The following SREBF1 variants were observed in gnomAD, a reference collection of about 807,000 sequenced individuals.
SREBF1 encodes the protein sterol regulatory element-binding protein 1.
SREBF1 carries 45 observed loss-of-function variants against 100.1 expected under a neutral mutation model. The ratio of observed to expected loss-of-function variants is 0.45; its 90% CI spans 0.35 to 0.58. The LOEUF (loss-of-function observed/expected upper bound fraction) is 0.58. Among genes scored for constraint, SREBF1 ranks in the 20% least tolerant of loss-of-function variants. The probability of loss-of-function intolerance (pLI) is 0.00; values close to 1 mark genes in which losing one functional copy is unlikely to be tolerated. For missense variants in SREBF1, 1,324 were observed against 1,539.4 expected, an observed-to-expected ratio of 0.86 and a Z score of 2.34; for synonymous variants, 657 against 681.8, an observed-to-expected ratio of 0.96 and a Z score of 0.57.
At chr17:17,814,445 C>T (rs1332311882) in intron 15 of SREBF1, 35 bp from the exon 16 acceptor site, 2 of 1,548,774 alleles carry the variant, frequency 1.3e-6, no homozygotes, top group African/African-American at 2.7e-5. Context: ...GCCAGTCAGA[C>T]CAGTCCACAA....
At chr17:17,836,182 T>C (rs746821370) in intron 1 of SREBF1, among the ~76,000 whole-genome samples, 1 of 152,244 alleles carries the variant, frequency 6.6e-6, no homozygotes, top group Non-Finnish European at 1.5e-5. Context: ...ATTCGGTGGA[T>C]GTCAGTGAAT....
intron 18 of SREBF1, 197 bp downstream of exon 18, chr17:17,813,171 C>T (rs1169346519): frequency 3.1e-6 from 2 of 640,300 alleles, no homozygotes; most frequent in Admixed American, 2.4e-5. Flanking sequence ...CCCTGTCACT[C>T]AGGCTCACTG....
chr17:17,814,517 T>G (rs2033328215), intron 15 of SREBF1, 98 bp downstream of exon 15: 1 of 1,535,250 alleles, frequency 6.5e-7, no homozygotes, highest in South Asian at 1.2e-5. Flanking sequence ...AGGTGGTGAC[T>G]CCTCCTGCAC....
Position 17,812,709 on chromosome 17 carries a change from G to C in SREBF1, c.3357C>G (p.Leu1119=), listed in dbSNP as rs368232810. ...VGMLAEAART[L]EKLGDRRLLH... is the part of the protein sequence containing the mutation. ...GCAGCCGGCGATCGCCAAGCTTCTC[G>C]AGTGTGCGCGCCGCCTCAGCCAGCA... Residue 1119 remains leucine, a synonymous_variant, in exon 19 of 19, where the codon CTC becomes CTG. Transcript: ENST00000261646. 49 of 1,598,880 alleles carry C rather than the reference G, an allele frequency of 3.1e-5. 1 individual carries two copies. In the South Asian group the frequency reaches 4.0e-4, roughly 13 times the overall value.
At chr17:17,815,093 G>A in intron 13 of SREBF1, 128 bp downstream of exon 13, 1 of 1,227,134 alleles carries the variant, frequency 8.1e-7, no homozygotes, top group Non-Finnish European at 1.2e-6. Context: ...GAAACTCAGA[G>A]AGGAATGAAG....
intron 1 of SREBF1, among the ~76,000 whole-genome samples, chr17:17,830,670 A>G (rs552359572): frequency 3.3e-5 from 5 of 152,176 alleles, no homozygotes; most frequent in African/African-American, 1.2e-4. Flanking sequence ...GTAGGCCACA[A>G]ATTCCCCCTA....
chr17:17,816,798 G>C (rs1188593686), intron 9 of SREBF1, 80 bp from the exon 10 acceptor site: 33 of 1,572,068 alleles, frequency 2.1e-5, no homozygotes, highest in Non-Finnish European at 2.8e-5. Context: ...TCCACAGCAG[G>C]CTCTGGAGGG....
chr17:17,817,235 G>A lies in SREBF1; in HGVS notation c.1606+21C>T, dbSNP rs1439712648. 1.9e-6 allele frequency: 3 copies of A among 1,607,334 alleles called. No homozygotes were observed. Among genetic ancestry groups the A allele is most frequent in the East Asian group, 4.5e-5 (2 of 44,668 alleles). On this transcript the variant is annotated intron_variant, in intron 8 of 18. Transcript: ENST00000261646. This position sits in a 1 kb window ranked among gnomAD's most constrained non-coding sequence, Gnocchi z 6.6. ...CACCCCGAGTGTCCCTCCCAAAGAT[G>A]CCCAGGCTGGCCGGTCCCACCTCTG...
intron 16 of SREBF1, chr17:17,814,023 A>AC (rs981677550): frequency 7.7e-6 from 5 of 653,314 alleles, no homozygotes; most frequent in Non-Finnish European, 7.8e-6. Flanking sequence ...CACACCATCC[A>AC]CCCCCCTCCT....
In SREBF1 at chr17:17,816,343, G is replaced by A; in HGVS notation, c.2078C>T (p.Thr693Ile). Reference protein sequence around the residue: ...GKHTGGHLTATNLALSALNLA... With the variant: ...GKHTGGHLTAINLALSALNLA... ...GTTCAGGGCACTCAGCGCCAGGTTG[G>A]TGGCAGTGAGGTGCCCGCCTGTGTG... The change falls in exon 11 of 19, where the codon ACC becomes ATC. Residue 693 changes from threonine to isoleucine, a missense_variant. Transcript: ENST00000261646. 1 of 1,585,252 alleles carries A rather than the reference G, an allele frequency of 6.3e-7. No individual in the cohort carries two copies. Among genetic ancestry groups the A allele is most frequent in the Non-Finnish European group, 8.6e-7 (1 of 1,168,162 alleles).
intron 1 of SREBF1, among the ~76,000 whole-genome samples, chr17:17,833,448 A>C (rs60241472): frequency 2.2e-5 from 2 of 92,004 alleles, no homozygotes; most frequent in Non-Finnish European, 3.8e-5. Context: ...AAAAAAAAAA[A>C]AAATATATAT....
intron 1 of SREBF1, among the ~76,000 whole-genome samples, chr17:17,828,878 T>A (rs1480139489): frequency 1.3e-5 from 2 of 151,860 alleles, no homozygotes; most frequent in Non-Finnish European, 2.9e-5. Flanking sequence ...TGTGCCATGG[T>A]ATTCCAGCCT....
intron 15 of SREBF1, 35 bp downstream of exon 15, chr17:17,814,580 C>T (rs778157990): frequency 1.4e-5 from 22 of 1,536,870 alleles, no homozygotes; most frequent in Middle Eastern, 1.7e-4. Flanking sequence ...AGGCTGAGCC[C>T]GGGACCAGGC....
Position 17,816,359 on chromosome 17 carries a change from C to A in SREBF1, c.2062G>T (p.Gly688Trp). The change falls in exon 11 of 19, where the codon GGG becomes TGG. Residue 688 changes from glycine (G) to tryptophan (W), a missense_variant. Gly to Trp is a radical substitution (Grantham distance 184). Coordinates refer to ENST00000261646, the MANE Select transcript of SREBF1 (RefSeq NM_004176.5). ...GCCAGGTTGGTGGCAGTGAGGTGCCCGCCTGTGTGCTTCCCTGGAAGGCAA... is the reference window on the plus strand; with the variant it reads ...GCCAGGTTGGTGGCAGTGAGGTGCCAGCCTGTGTGCTTCCCTGGAAGGCAA... ...QLHTMGKHTGGHLTATNLALS... is the reference protein window; with the variant it reads ...QLHTMGKHTGWHLTATNLALS... The A allele has an allele frequency of 6.3e-7, 1 of 1,585,332 alleles. No individual in the cohort carries two copies.
At chr17:17,829,382 G>T (rs1294264229) in intron 1 of SREBF1, among the ~76,000 whole-genome samples, 1 of 151,522 alleles carries the variant, frequency 6.6e-6, no homozygotes. Flanking sequence ...CTCCAGTCTG[G>T]AAAAGATAAA....
chr17:17,812,893 C>A, intron 18 of SREBF1, 42 bp from the exon 19 acceptor site: 1 of 1,443,812 alleles, frequency 6.9e-7, no homozygotes, highest in Non-Finnish European at 9.1e-7. Context: ...CTCAAGCTGG[C>A]CACGCCCCCG....
chr17:17,820,234 C>T lies in SREBF1; in HGVS notation c.379G>A (p.Val127Met), dbSNP rs1385004318. 1 of 1,613,682 alleles carries T rather than the reference C, an allele frequency of 6.2e-7. No homozygotes were observed. The highest frequency in any genetic ancestry group is 8.5e-7 in the Non-Finnish European group (1 of 1,179,980). ...SPGPGIKEES[V>M]PLSILQTPTP... is the part of the protein sequence containing the mutation. The stretch of plus-strand genomic sequence containing the variant: ...GGGGTCTGCAGGATGCTCAGTGGCA[C>T]TGACTCTTCCTTGATACCAGGCCCA... The change falls in exon 2 of 19, where the codon GTG (valine) becomes ATG (methionine). Residue 127 changes from valine (V) to methionine (M), a missense_variant. Transcript: ENST00000261646.
chr17:17,813,819 G>T, intron 16 of SREBF1, 50 bp from the exon 17 acceptor site: 1 of 1,510,440 alleles, frequency 6.6e-7, no homozygotes. Context: ...GCTCTGGGAG[G>T]GGCAGGATGG....
chr17:17,811,966 T>A lies in SREBF1; in HGVS notation c.*656A>T, dbSNP rs532616326. 3.1e-4 allele frequency: 140 copies of A among 448,294 alleles called. No homozygotes were observed. The highest frequency in any genetic ancestry group is 8.4e-4 in the Admixed American group (34 of 40,328). 27.8% of individuals were successfully genotyped at this position (448,294 alleles called of 1,614,324 possible). A position where few individuals can be genotyped will look rare whatever the true frequency, so the allele number is the denominator to read the frequency against. Reference sequence around the variant, plus strand: ...CATCGGGAAGAGCTAAGTTAAAAGTTGTGTACCTTGTGGCCGGAGGGGGAG... The same window carrying A: ...CATCGGGAAGAGCTAAGTTAAAAGTAGTGTACCTTGTGGCCGGAGGGGGAG... On this transcript the variant is annotated 3_prime_UTR_variant, in exon 19 of 19. Coordinates refer to ENST00000261646, the MANE Select transcript of SREBF1 (RefSeq NM_004176.5).
Sources: allele counts gnomAD v4.1 joint callset (sites outside exome capture counted in the v4.1 genomes callset), GRCh38; gene constraint gnomAD v4.1.1; non-coding constraint Gnocchi (gnomAD v3.1); transcripts MANE v1.5; gene names NCBI Gene and HGNC (gene_info 2026-07-23, HGNC 2026-07-21).